Variants in ADI1 observed in about 807,000 individuals in gnomAD.
ADI1 encodes the protein acireductone dioxygenase.
A neutral mutation model predicts 18.7 loss-of-function variants in ADI1; 21 were observed. The observed-to-expected ratio is 1.13, with a 90% CI of 0.80 to 1.62. The LOEUF is 1.62. ADI1 is among the 40% of genes most tolerant of loss of function. The pLI is 0.00. For synonymous variants in ADI1, 90 were observed against 100.1 expected (o/e 0.90, Z 0.60); for missense variants, 245 against 254.9 (o/e 0.96, Z 0.26).
chr2:3,499,200 T>C (rs952732803), intron 3 of ADI1, 118 bp from the exon 4 acceptor site: 8 of 1,418,538 alleles, frequency 5.6e-6, no homozygotes, highest in Admixed American at 2.7e-5. Context: ...TTGCTATTTT[T>C]ATTCTGCGTC....
chr2:3,503,479 ACACTCATG>A (rs1329899725), intron 2 of ADI1, among the ~76,000 whole-genome samples: 8 of 107,942 alleles, frequency 7.4e-5, no homozygotes, highest in East Asian at 4.7e-4. Context: ...GTGTGCATTC[ACACTCATG>A]CACACGTACA....
rs767596621 is a variant in ADI1 at position 3,513,866 on chromosome 2, A to G, written c.231T>C (p.Tyr77=). The G allele has an allele frequency of 2.5e-6, 4 of 1,602,026 alleles. No individual in the cohort carries two copies. Among genetic ancestry groups the G allele is most frequent in the Non-Finnish European group, 3.4e-6 (4 of 1,177,290 alleles). ...TCCAGGGCTCCCTTACCTTTTCTTC[A>G]TAATTTGGTAGTTTATCTTTGCATA... ...ITICKDKLPN[Y]EEKIKMFYEE... is the part of the protein sequence containing the mutation. Residue 77 remains tyrosine (Y), a synonymous_variant, in exon 2 of 4, where the codon TAT becomes TAC. Transcript: ENST00000327435.
chr2:3,502,448 CTCT>C (rs765911364), intron 2 of ADI1, among the ~76,000 whole-genome samples: 2 of 123,464 alleles, frequency 1.6e-5, no homozygotes, highest in South Asian at 2.4e-4. Context: ...ACGGAAATAG[CTCT>C]TTTTTTTTTT....
At chr2:3,505,301 A>G (rs1220495301) in intron 2 of ADI1, among the ~76,000 whole-genome samples, 1 of 152,252 alleles carries the variant, frequency 6.6e-6, no homozygotes, top group Non-Finnish European at 1.5e-5. Flanking sequence ...ACAGGCAGAC[A>G]GAAAGATCCA....
chr2:3,506,024 AC>A (rs1667168665), intron 2 of ADI1, among the ~76,000 whole-genome samples: 1 of 152,210 alleles, frequency 6.6e-6, no homozygotes, highest in South Asian at 2.1e-4. Flanking sequence ...TGTTTAAGCC[AC>A]CCAGTTTATG....
chr2:3,514,206 T>C (rs937539258), intron 1 of ADI1, among the ~76,000 whole-genome samples: 3 of 152,224 alleles, frequency 2.0e-5, no homozygotes, highest in Non-Finnish European at 2.9e-5. Context: ...CTCCCTTCTC[T>C]GCAACAGTCC....
intron 2 of ADI1, among the ~76,000 whole-genome samples, chr2:3,503,358 T>C (rs889746812): frequency 8.8e-6 from 1 of 113,870 alleles, no homozygotes; most frequent in Non-Finnish European, 1.7e-5. Context: ...CACACGCACA[T>C]TCACACACAT....
intron 2 of ADI1, among the ~76,000 whole-genome samples, chr2:3,510,099 T>C (rs964535806): frequency 1.4e-5 from 2 of 147,230 alleles, no homozygotes; most frequent in Non-Finnish European, 3.0e-5. Flanking sequence ...GCCGAGATTG[T>C]GCCATTGCAC....
At position 3,519,480 on chromosome 2, in the gene ADI1, T is replaced by C. The variant is rs1667508430; in HGVS notation, c.8A>G (p.Gln3Arg). The C allele has an allele frequency of 7.6e-7, 1 of 1,307,642 alleles. No individual in the cohort carries two copies. Among genetic ancestry groups the C allele is most frequent in the Non-Finnish European group, 9.7e-7 (1 of 1,026,230 alleles). 81.0% of individuals were successfully genotyped at this position (1,307,642 alleles called of 1,614,324 possible). A position where few individuals can be genotyped will look rare whatever the true frequency, so the allele number is the denominator to read the frequency against. The change falls in exon 1 of 4, where the codon CAG becomes CGG. Residue 3 changes from glutamine (Q) to arginine (R), a missense_variant. Physicochemically the swap from Gln to Arg is conservative, Grantham distance 43. Transcript: ENST00000327435. ...CGGGGCGTCGTCCATATACCAGGCC[T>C]GCACCATGACGCGCAGTGCGGGTGC... MV[Q>R]AWYMDDAPGD... is the part of the protein sequence containing the mutation.
At chr2:3,505,137 ATT>A (rs1224437226) in intron 2 of ADI1, among the ~76,000 whole-genome samples, 1 of 152,212 alleles carries the variant, frequency 6.6e-6, no homozygotes, top group African/African-American at 2.4e-5. Flanking sequence ...GTATGTTTAT[ATT>A]GTTTGTTCAC....
At chr2:3,504,431 G>A (rs994158151) in intron 2 of ADI1, among the ~76,000 whole-genome samples, 26 of 152,220 alleles carry the variant, frequency 1.7e-4, no homozygotes, top group African/African-American at 5.3e-4. Flanking sequence ...GAGATAAAAC[G>A]TGGCTGAGAA....
In ADI1 at chr2:3,498,087, T is replaced by C. The variant is rs1319735792; in HGVS notation, c.*876A>G. On this transcript the variant is annotated 3_prime_UTR_variant, in exon 4 of 4. Transcript: ENST00000327435. ...GAGTTTCCTCTGTACAGTGTGGAGG[T>C]GATTAAGAAAATTAATCCTAACATG... The C allele has an allele frequency of 6.6e-6, 1 of 152,204 alleles. No homozygotes were observed. Among genetic ancestry groups the C allele is most frequent in the Non-Finnish European group, 1.5e-5 (1 of 68,036 alleles). The allele number at this position is 152,204 out of a possible 1,614,324, so 9.4% of individuals were successfully genotyped here.
intron 2 of ADI1, among the ~76,000 whole-genome samples, chr2:3,509,925 C>T (rs1216495024): frequency 6.6e-6 from 1 of 151,962 alleles, no homozygotes. Context: ...AGGAGGATCA[C>T]CTGAGATCAG....
Position 3,519,499 on chromosome 2 carries a change from C to G in ADI1, c.-12G>C, listed in dbSNP as rs771029491. On this transcript the variant is annotated 5_prime_UTR_variant, in exon 1 of 4. Transcript: ENST00000327435. ...CAGGCCTGCACCATGACGCGCAGTG[C>G]GGGTGCCGTGTTCGAACCCAGGGGC... is the stretch of plus-strand genomic sequence containing the variant. The G allele has an allele frequency of 3.9e-6, 5 of 1,275,024 alleles. No homozygotes were observed. Among genetic ancestry groups the G allele is most frequent in the Admixed American group, 8.0e-5 (2 of 25,012 alleles). 79.0% of individuals were successfully genotyped at this position (1,275,024 alleles called of 1,614,324 possible). A position where few individuals can be genotyped will look rare whatever the true frequency, so the allele number is the denominator to read the frequency against.
Position 3,498,188 on chromosome 2 carries a change from G to A in ADI1, c.*775C>T, listed in dbSNP as rs1313906698. ...TTCCAAAACATGAAGTTAACTTGGA[G>A]TTTTTCTGTGATATGACAAACTAGG... On this transcript the variant is annotated 3_prime_UTR_variant, in exon 4 of 4. Transcript: ENST00000327435. The A allele has an allele frequency of 1.3e-5, 2 of 152,174 alleles. No homozygotes were observed. The highest frequency in any genetic ancestry group is 2.4e-5 in the African/African-American group (1 of 41,446). The allele number at this position is 152,174 out of a possible 1,614,324, so 9.4% of individuals were successfully genotyped here.
chr2:3,511,359 A>G (rs1258241110), intron 2 of ADI1, among the ~76,000 whole-genome samples: 3 of 152,090 alleles, frequency 2.0e-5, no homozygotes, highest in African/African-American at 7.2e-5. Context: ...CTTCTAAATT[A>G]CACAGTAACT....
intron 2 of ADI1, among the ~76,000 whole-genome samples, chr2:3,511,735 C>A (rs896340938): frequency 1.3e-5 from 2 of 152,100 alleles, no homozygotes; most frequent in Non-Finnish European, 2.9e-5. Flanking sequence ...CAGAAGGAGA[C>A]AGGAAGATGA....
intron 2 of ADI1, among the ~76,000 whole-genome samples, chr2:3,507,510 GA>G (rs953724584): frequency 1.6e-4 from 24 of 147,464 alleles, no homozygotes; most frequent in African/African-American, 4.0e-4. Context: ...AAGCAAGCAA[GA>G]AAAAAAAAAC....
chr2:3,518,356 CATGA>C (rs1443609127), intron 1 of ADI1, among the ~76,000 whole-genome samples: 5 of 152,232 alleles, frequency 3.3e-5, no homozygotes, highest in South Asian at 2.1e-4. Flanking sequence ...ATTTAAATCA[CATGA>C]ATGAAGATTA....
Sources: gnomAD v4.1 joint callset for allele counts (sites outside exome capture counted in the v4.1 genomes callset) on GRCh38, gnomAD v4.1.1 for gene constraint, MANE v1.5 for transcripts, NCBI Gene and HGNC (gene_info 2026-07-23, HGNC 2026-07-21) for gene names.